Variants in STAU2 observed in about 807,000 individuals in gnomAD.
STAU2 encodes staufen double-stranded RNA binding protein 2.
A neutral mutation model predicts 65.9 loss-of-function variants in STAU2; 20 were observed. The ratio of observed to expected loss-of-function variants is 0.30; its 90% CI spans 0.21 to 0.44. The LOEUF (loss-of-function observed/expected upper bound fraction) is 0.44, where lower values mean the gene tolerates loss of function less well. Among genes scored for constraint, STAU2 ranks in the 20% least tolerant of loss-of-function variants. The probability of loss-of-function intolerance (pLI) is 1.00; values close to 1 mark genes in which losing one functional copy is unlikely to be tolerated. For missense variants in STAU2, 558 were observed against 683.9 expected, an observed-to-expected ratio of 0.82 and a Z score of 2.05; for synonymous variants, 232 against 233.9, an observed-to-expected ratio of 0.99 and a Z score of 0.07.
At chr8:73,670,111 G>A (rs1254518544) in intron 6 of STAU2, among the ~76,000 whole-genome samples, 6 of 152,088 alleles carry the variant, frequency 3.9e-5, no homozygotes, top group East Asian at 1.9e-4. Flanking sequence ...ATTGGGGAAC[G>A]TCAGATTAAA....
intron 6 of STAU2, among the ~76,000 whole-genome samples, chr8:73,642,496 G>A (rs548607023): frequency 4.6e-5 from 7 of 151,758 alleles, no homozygotes; most frequent in South Asian, 2.1e-4. Flanking sequence ...GCACTCCAGC[G>A]TGGCGACAGA....
At chr8:73,479,464 C>T (rs1053074926) in intron 13 of STAU2, among the ~76,000 whole-genome samples, 1 of 61,104 alleles carries the variant, frequency 1.6e-5, no homozygotes, top group Non-Finnish European at 3.1e-5. Context: ...CTGCTTTCTC[C>T]CTATTCTGCA....
chr8:73,732,768 T>TCCC (rs1806159368), intron 3 of STAU2: 1 of 152,034 alleles, frequency 6.6e-6, no homozygotes, highest in South Asian at 2.1e-4. Flanking sequence ...AGTGGTTCAT[T>TCCC]CCCCCAAATA....
At chr8:73,633,037 G>A (rs1192739814) in intron 6 of STAU2, among the ~76,000 whole-genome samples, 1 of 152,188 alleles carries the variant, frequency 6.6e-6, no homozygotes. Flanking sequence ...GAAAAAGGGA[G>A]TTGTATTCAC....
At chr8:73,724,557 T>C (rs1338515128) in intron 3 of STAU2, among the ~76,000 whole-genome samples, 2 of 151,936 alleles carry the variant, frequency 1.3e-5, no homozygotes, top group African/African-American at 4.8e-5. Context: ...TATTATAAAA[T>C]AGGGTGTATT....
Position 73,686,770 on chromosome 8 carries a change from C to T in STAU2, c.274+1884G>A, listed in dbSNP as rs116573357. Among the ~76,000 whole-genome samples the T allele has an allele frequency of 1.8e-3, 279 of 151,656 alleles. 1 individual carries two copies. The highest frequency in any genetic ancestry group is 6.6e-3 in the African/African-American group (272 of 41,382). On this transcript the variant is annotated intron_variant, in intron 5 of 14. Coordinates refer to ENST00000524300, the MANE Select transcript of STAU2 (RefSeq NM_001164380.2). The stretch of plus-strand genomic sequence containing the variant: ...AAAGATAATGACATATAATGTTGTT[C>T]GTATTGTATGCAATTAGAACAACTC...
chr8:73,523,563 C>T (rs1823179166), intron 13 of STAU2, among the ~76,000 whole-genome samples: 1 of 152,168 alleles, frequency 6.6e-6, no homozygotes, highest in Non-Finnish European at 1.5e-5. Context: ...CCAAAACTCC[C>T]TCATGATACT....
intron 4 of STAU2, among the ~76,000 whole-genome samples, chr8:73,697,975 G>A (rs1819799066): frequency 6.6e-6 from 1 of 152,104 alleles, no homozygotes; most frequent in Non-Finnish European, 1.5e-5. Context: ...AGCTACTTGG[G>A]AGGCTGAGGC....
At chr8:73,550,033 T>C (rs529237415) in intron 13 of STAU2, 15 of 985,602 alleles carry the variant, frequency 1.5e-5, no homozygotes, top group Middle Eastern at 1.0e-3. Context: ...GGGCTATGCA[T>C]GTGGCCAGAC....
intron 13 of STAU2, among the ~76,000 whole-genome samples, chr8:73,450,190 T>A: frequency 6.6e-6 from 1 of 152,230 alleles, no homozygotes; most frequent in East Asian, 1.9e-4. Flanking sequence ...ATATTGGAAG[T>A]ATATTAGAAG....
chr8:73,582,113 A>G (rs1241249253), intron 12 of STAU2, among the ~76,000 whole-genome samples: 3 of 152,206 alleles, frequency 2.0e-5, no homozygotes, highest in Non-Finnish European at 4.4e-5. Flanking sequence ...CCAATGTAAA[A>G]TATCTTGATC....
intron 13 of STAU2, among the ~76,000 whole-genome samples, chr8:73,532,085 T>A (rs538412613): frequency 6.6e-6 from 1 of 152,130 alleles, no homozygotes; most frequent in African/African-American, 2.4e-5. Flanking sequence ...AAAGGGAGGT[T>A]GGATATGCGC....
At chr8:73,484,473 C>T (rs1820806134) in intron 13 of STAU2, among the ~76,000 whole-genome samples, 1 of 151,990 alleles carries the variant, frequency 6.6e-6, no homozygotes, top group Non-Finnish European at 1.5e-5. Context: ...AGAAATGAAG[C>T]CCTGGAAATC....
At chr8:73,533,683 G>A (rs1020633658) in intron 13 of STAU2, among the ~76,000 whole-genome samples, 1 of 152,128 alleles carries the variant, frequency 6.6e-6, no homozygotes, top group African/African-American at 2.4e-5. Context: ...ACTGCTTGAG[G>A]CCAGGAGTTT....
At chr8:73,573,346 C>T (rs1033631670) in intron 12 of STAU2, among the ~76,000 whole-genome samples, 6 of 152,222 alleles carry the variant, frequency 3.9e-5, no homozygotes, top group Admixed American at 2.0e-4. Flanking sequence ...TTTATAGATT[C>T]AATGCCATTC....
intron 13 of STAU2, among the ~76,000 whole-genome samples, chr8:73,542,893 T>C (rs1362135723): frequency 6.6e-6 from 1 of 152,224 alleles, no homozygotes; most frequent in East Asian, 1.9e-4. Flanking sequence ...ACATTGTATG[T>C]ACACTTACCA....
intron 3 of STAU2, among the ~76,000 whole-genome samples, chr8:73,734,763 C>G (rs1375714025): frequency 1.3e-5 from 2 of 151,308 alleles, no homozygotes; most frequent in Non-Finnish European, 2.9e-5. Flanking sequence ...CACTGCACTC[C>G]AGCATGGGCA....
At chr8:73,630,909 C>G (rs1287353262) in intron 6 of STAU2, among the ~76,000 whole-genome samples, 1 of 152,206 alleles carries the variant, frequency 6.6e-6, no homozygotes, top group Non-Finnish European at 1.5e-5. Flanking sequence ...AAAGAATACC[C>G]TTAGCTGTGG....
intron 6 of STAU2, among the ~76,000 whole-genome samples, chr8:73,668,431 C>T (rs1392359053): frequency 2.6e-5 from 4 of 152,134 alleles, no homozygotes; most frequent in Non-Finnish European, 5.9e-5. Context: ...ATCAAGGGGC[C>T]ATTTGGTCTG....
Sources: gnomAD v4.1 joint callset for allele counts (sites outside exome capture counted in the v4.1 genomes callset) on GRCh38, gnomAD v4.1.1 for gene constraint, MANE v1.5 for transcripts, NCBI Gene and HGNC (gene_info 2026-07-23, HGNC 2026-07-21) for gene names.